The following NBPF15 variants were observed in gnomAD, a reference collection of about 807,000 sequenced individuals.
The protein encoded by NBPF15 is NBPF family member NBPF15.
A neutral mutation model predicts 62.2 loss-of-function variants in NBPF15; 74 were observed. The observed-to-expected ratio is 1.19, with a 90% CI of 0.99 to 1.44. NBPF15 has a LOEUF of 1.44. Ranked by LOEUF, NBPF15 falls within the 40% of genes most tolerant of loss-of-function variation. The pLI, the probability that NBPF15 is intolerant of heterozygous loss-of-function variation, is 0.00. For missense variants in NBPF15, 790 were observed against 550.0 expected (o/e 1.44, Z -4.36); for synonymous variants, 244 against 209.7 (o/e 1.16, Z -1.41).
chr1:144,459,096 A>C (rs1156987361), intron 3 of NBPF15, among the ~76,000 whole-genome samples: 1 of 151,910 alleles, frequency 6.6e-6, no homozygotes, highest in Non-Finnish European at 1.5e-5. Flanking sequence ...TAACACAGAA[A>C]AATGTGTTCA....
At chr1:144,428,250 TGAG>T (rs1298506582) in intron 15 of NBPF15, among the ~76,000 whole-genome samples, 1 of 151,310 alleles carries the variant, frequency 6.6e-6, no homozygotes, top group Non-Finnish European at 1.5e-5. Context: ...GACACACTGA[TGAG>T]GGAATCAAAG....
chr1:144,441,496 G>T (rs1409503307), intron 6 of NBPF15, among the ~76,000 whole-genome samples: 1 of 148,744 alleles, frequency 6.7e-6, no homozygotes, highest in East Asian at 2.0e-4. Context: ...TTTGTAATAG[G>T]AGTTCTTTAT....
At chr1:144,452,009 A>G (rs1360764314) in intron 4 of NBPF15, among the ~76,000 whole-genome samples, 12 of 151,512 alleles carry the variant, frequency 7.9e-5, no homozygotes, top group Admixed American at 7.9e-4. Context: ...AACATTAGCC[A>G]GGTGTGGTAG....
chr1:144,461,387 C>T lies in NBPF15; in HGVS notation c.-944G>A, dbSNP rs1553548487. On this transcript the variant is annotated 5_prime_UTR_variant, in exon 1 of 22. Transcript: ENST00000581897. ...CCGCGGGTCCCGGACTCACCGCCCG[C>T]CCGGCCTGGCGCGGCGCCTTCACCT... 6.6e-6 allele frequency: 1 copy of T among 151,912 alleles called. No homozygotes were observed. The highest frequency in any genetic ancestry group is 2.4e-5 in the African/African-American group (1 of 41,356). 9.4% of individuals were successfully genotyped at this position (151,912 alleles called of 1,614,324 possible).
chr1:144,422,901 C>G lies in NBPF15; in HGVS notation c.*112G>C, dbSNP rs1336854913. ...GAGAATAGGAATAGAGCCATGCTCA[C>G]TGACCCATCCTATGTCTGGGCTTCC... On this transcript the variant is annotated 3_prime_UTR_variant, in exon 22 of 22. Coordinates refer to ENST00000581897, the MANE Select transcript of NBPF15 (RefSeq NM_001385408.1). 4 of 1,608,056 alleles carry G rather than the reference C, an allele frequency of 2.5e-6. No homozygotes were observed. The highest frequency in any genetic ancestry group is 3.4e-6 in the Non-Finnish European group (4 of 1,177,994).
chr1:144,422,899 C>T lies in NBPF15; in HGVS notation c.*114G>A, dbSNP rs1214180907. 1.5e-4 allele frequency: 243 copies of T among 1,607,388 alleles called. 2 individuals carry two copies. Among genetic ancestry groups the T allele is most frequent in the Middle Eastern group, 6.8e-4 (3 of 4,436 alleles). On this transcript the variant is annotated 3_prime_UTR_variant, in exon 22 of 22. Transcript: ENST00000581897. ...TTGAGAATAGGAATAGAGCCATGCTCACTGACCCATCCTATGTCTGGGCTT... is the reference window on the plus strand; with the variant it reads ...TTGAGAATAGGAATAGAGCCATGCTTACTGACCCATCCTATGTCTGGGCTT...
chr1:144,442,871 T>A, intron 6 of NBPF15: 1 of 209,140 alleles, frequency 4.8e-6, no homozygotes, highest in Non-Finnish European at 1.1e-5. Flanking sequence ...ATCGGTGGAG[T>A]CCCCACCTTC....
chr1:144,432,033 G>A lies in NBPF15; in HGVS notation c.824+1740C>T, dbSNP rs1314718032. Among the ~76,000 whole-genome samples the A allele has an allele frequency of 5.6e-4, 85 of 152,060 alleles. 2 individuals carry two copies. The highest frequency in any genetic ancestry group is 1.2e-3 in the Admixed American group (18 of 15,248). On this transcript the variant is annotated intron_variant, in intron 13 of 21. Coordinates refer to ENST00000581897, the MANE Select transcript of NBPF15 (RefSeq NM_001385408.1). ...AGTAATGGGATGGCTGGGTCAAATAGTATTTCTAGTTCTAGATCCCTGAGG... is the reference window on the plus strand; with the variant it reads ...AGTAATGGGATGGCTGGGTCAAATAATATTTCTAGTTCTAGATCCCTGAGG...
Position 144,427,951 on chromosome 1 carries a change from G to A in NBPF15, c.1080C>T (p.Val360=). 2.6e-6 allele frequency: 2 copies of A among 782,240 alleles called. No individual in the cohort carries two copies. The highest frequency in any genetic ancestry group is 4.7e-6 in the Non-Finnish European group (2 of 425,544). 48.5% of individuals were successfully genotyped at this position (782,240 alleles called of 1,614,324 possible). A position where few individuals can be genotyped will look rare whatever the true frequency, so the allele number is the denominator to read the frequency against. ...AACATCTATCCAGTGAGTCCTGCAAGACTTCAGGCTCTTTCTCATCCAGCA... is the reference window on the plus strand; with the variant it reads ...AACATCTATCCAGTGAGTCCTGCAAAACTTCAGGCTCTTTCTCATCCAGCA... ...RELLDEKEPE[V]LQDSLDRCYS... is the part of the protein sequence containing the mutation. The change falls in exon 16 of 22, where the codon GTC becomes GTT. Residue 360 remains valine, a synonymous_variant. Transcript: ENST00000581897.
intron 6 of NBPF15, among the ~76,000 whole-genome samples, chr1:144,446,572 A>T (rs1206504777): frequency 2.0e-5 from 3 of 152,160 alleles, no homozygotes; most frequent in African/African-American, 7.2e-5. Context: ...ATCTGCCCTT[A>T]ATGGGGTTGG....
chr1:144,424,037 C>T (rs1302798323), intron 20 of NBPF15, 62 bp from the exon 21 acceptor site: 46 of 759,950 alleles, frequency 6.1e-5, no homozygotes, highest in East Asian at 5.6e-4. Flanking sequence ...TATAACAATC[C>T]ACTGTCTAAT....
intron 15 of NBPF15, among the ~76,000 whole-genome samples, chr1:144,428,394 G>T (rs1671558796): frequency 6.6e-6 from 1 of 151,936 alleles, no homozygotes; most frequent in Non-Finnish European, 1.5e-5. Context: ...TTGAGGTATG[G>T]TCAACCTTCA....
intron 6 of NBPF15, among the ~76,000 whole-genome samples, chr1:144,445,171 T>A (rs1446332745): frequency 6.6e-6 from 1 of 150,818 alleles, no homozygotes; most frequent in East Asian, 1.9e-4. Context: ...TTTTCTGAAG[T>A]ATCTATTCAA....
intron 4 of NBPF15, among the ~76,000 whole-genome samples, chr1:144,453,668 A>T (rs1692653291): frequency 6.8e-6 from 1 of 147,692 alleles, no homozygotes; most frequent in African/African-American, 2.5e-5. Context: ...AAAAAGTGAA[A>T]CATCTGAACA....
chr1:144,447,489 C>G (rs1553544495), intron 6 of NBPF15, among the ~76,000 whole-genome samples: 1 of 151,816 alleles, frequency 6.6e-6, no homozygotes. Context: ...ATCGGGTGCC[C>G]CCAATGCTAA....
At chr1:144,426,873 G>A (rs1474542411) in intron 17 of NBPF15, among the ~76,000 whole-genome samples, 174 bp downstream of exon 17, 10 of 147,752 alleles carry the variant, frequency 6.8e-5, no homozygotes, top group Admixed American at 2.7e-4. Context: ...AAATGATAAG[G>A]GGAGGAAGAA....
At chr1:144,442,183 AT>A (rs1553542879) in intron 6 of NBPF15, among the ~76,000 whole-genome samples, 4 of 115,106 alleles carry the variant, frequency 3.5e-5, no homozygotes, top group African/African-American at 7.0e-5. Context: ...TATATATAAT[AT>A]ATATACACGT....
In NBPF15 at chr1:144,423,888, T is replaced by C; in HGVS notation, c.1751A>G (p.Asp584Gly). 1 of 781,778 alleles carries C rather than the reference T, an allele frequency of 1.3e-6. No homozygotes were observed. Among genetic ancestry groups the C allele is most frequent in the Admixed American group, 1.7e-5 (1 of 58,994 alleles). The allele number at this position is 781,778 out of a possible 1,614,324, so 48.4% of individuals were successfully genotyped here. Reference protein sequence around the residue: ...RRRGRKEGEDDNPPCPRLYGV... With the variant: ...RRRGRKEGEDGNPPCPRLYGV... ...AAGTTACCTGGGGCATGGTGGGTTG[T>C]CATCTTCCCCTTCTTTTCTTCCCCT... is the stretch of plus-strand genomic sequence containing the variant. The change falls in exon 21 of 22, where the codon GAC becomes GGC. Residue 584 changes from aspartate (D) to glycine (G), a missense_variant. By Grantham distance (94) the Asp-to-Gly change is moderately conservative. Transcript: ENST00000581897.
At position 144,426,406 on chromosome 1, in the gene NBPF15, T is replaced by C; in HGVS notation, c.1310A>G (p.Gln437Arg). The C allele has an allele frequency of 1.2e-6, 1 of 812,638 alleles. No individual in the cohort carries two copies. The highest frequency in any genetic ancestry group is 2.2e-6 in the Non-Finnish European group (1 of 450,048). 50.3% of individuals were successfully genotyped at this position (812,638 alleles called of 1,614,324 possible). ...CGAATAACATCTATCCAGTGAGTCC[T>C]GCAAGACTTCAGGCTCTTTCTCATC... ...LLDEKEPEVL[Q>R]DSLDRCYSTP... The change falls in exon 18 of 22, where the codon CAG (glutamine) becomes CGG (arginine). Residue 437 changes from glutamine (Q) to arginine (R), a missense_variant. Gln to Arg is a conservative substitution (Grantham distance 43). Transcript: ENST00000581897.
Sources: gnomAD v4.1 joint callset for allele counts (sites outside exome capture counted in the v4.1 genomes callset) on GRCh38, gnomAD v4.1.1 for gene constraint, MANE v1.5 for transcripts, NCBI Gene and HGNC (gene_info 2026-07-23, HGNC 2026-07-21) for gene names.